Variants in DACH2 observed in about 807,000 individuals in gnomAD.
DACH2 encodes the protein dachshund family transcription factor 2, also known as dachshund homolog 2.
Under a neutral mutation model 35.8 loss-of-function variants are expected in DACH2, and 17 were observed. The observed-to-expected ratio is 0.48, with a 90% CI of 0.33 to 0.71. The LOEUF is 0.71. Among genes scored for constraint, DACH2 ranks in the 30% least tolerant of loss-of-function variants. DACH2 has a pLI of 0.02. For missense variants in DACH2, 469 were observed against 472.7 expected (o/e 0.99, Z 0.07); for synonymous variants, 195 against 177.3 (o/e 1.10, Z -0.79).
chrX:86,703,206 T>C (rs1162071053), intron 5 of DACH2, among the ~76,000 whole-genome samples: 3 of 109,876 alleles, frequency 2.7e-5, no homozygotes, highest in Non-Finnish European at 5.7e-5. Flanking sequence ...AAAAATTCAA[T>C]GAAATCAAGC....
At chrX:86,295,699 G>A (rs1237293613) in intron 1 of DACH2, among the ~76,000 whole-genome samples, 1 of 110,764 alleles carries the variant, frequency 9.0e-6, no homozygotes, top group Non-Finnish European at 1.9e-5. Context: ...GTTGTAAGAG[G>A]GCAACACTGA....
intron 4 of DACH2, among the ~76,000 whole-genome samples, chrX:86,672,807 G>A (rs1261643168): frequency 9.0e-6 from 1 of 111,718 alleles, no homozygotes; most frequent in Non-Finnish European, 1.9e-5. Context: ...AGTCACCACT[G>A]GGGCACTGCT....
intron 7 of DACH2, among the ~76,000 whole-genome samples, chrX:86,786,817 G>A (rs1164346986): frequency 8.9e-6 from 1 of 111,821 alleles, no homozygotes; most frequent in Admixed American, 9.5e-5. Flanking sequence ...ATATGGTTTG[G>A]CTGTGTCCCC....
chrX:86,455,443 A>G (rs2037458491), intron 2 of DACH2, among the ~76,000 whole-genome samples: 1 of 111,752 alleles, frequency 8.9e-6, no homozygotes, highest in Admixed American at 9.5e-5. Context: ...ACTCTGTCCC[A>G]GGGAGAGATC....
intron 1 of DACH2, among the ~76,000 whole-genome samples, chrX:86,350,091 C>T (rs1940411455): frequency 8.9e-6 from 1 of 111,953 alleles, no homozygotes; most frequent in Non-Finnish European, 1.9e-5. Context: ...TTGCTCCAAC[C>T]TGGGAGGCGG....
chrX:86,546,588 C>T (rs1310816957), intron 3 of DACH2, among the ~76,000 whole-genome samples: 1 of 100,634 alleles, frequency 9.9e-6, no homozygotes, highest in Non-Finnish European at 2.0e-5. Flanking sequence ...AATCTCGGCT[C>T]ACTGCAACCT....
chrX:86,487,867 A>G (rs995864836), intron 2 of DACH2, among the ~76,000 whole-genome samples: 3 of 111,896 alleles, frequency 2.7e-5, no homozygotes, highest in Non-Finnish European at 5.6e-5. Flanking sequence ...ACCACTTTTC[A>G]GTACAAATAA....
chrX:86,405,774 A>G (rs182970030), intron 2 of DACH2, among the ~76,000 whole-genome samples: 304 of 111,889 alleles, frequency 2.7e-3, no homozygotes, highest in African/African-American at 9.2e-3. Context: ...TCACACTGCT[A>G]TAAGTACATA....
intron 6 of DACH2, among the ~76,000 whole-genome samples, chrX:86,724,198 T>C (rs1232596445): frequency 1.8e-5 from 2 of 111,823 alleles, no homozygotes; most frequent in Non-Finnish European, 3.8e-5. Context: ...TTTTCCTTAT[T>C]CTCTATGTTT....
chrX:86,776,514 C>T (rs2042033501), intron 7 of DACH2, among the ~76,000 whole-genome samples: 1 of 111,988 alleles, frequency 8.9e-6, no homozygotes, highest in South Asian at 3.7e-4. Flanking sequence ...CTCTGGTTTT[C>T]CTTGAACAAG....
At chrX:86,435,975 G>T (rs937703100) in intron 2 of DACH2, among the ~76,000 whole-genome samples, 2 of 111,495 alleles carry the variant, frequency 1.8e-5, no homozygotes, top group African/African-American at 3.3e-5. Context: ...ATAATAATTT[G>T]TAGAAGAACT....
intron 1 of DACH2, among the ~76,000 whole-genome samples, chrX:86,217,470 A>T: frequency 8.9e-6 from 1 of 111,948 alleles, no homozygotes; most frequent in Non-Finnish European, 1.9e-5. Flanking sequence ...AAACTATAGA[A>T]AATGTCACTT....
chrX:86,160,259 G>A (rs1485093751), intron 1 of DACH2: 1 of 1,196,604 alleles, frequency 8.4e-7, no homozygotes, highest in Non-Finnish European at 1.1e-6. Flanking sequence ...TTTCTGGGCA[G>A]ACTTGGTGAC....
At chrX:86,653,003 G>T (rs2040494937) in intron 4 of DACH2, among the ~76,000 whole-genome samples, 1 of 111,834 alleles carries the variant, frequency 8.9e-6, no homozygotes, top group African/African-American at 3.3e-5. Context: ...TGAAATCTTT[G>T]CCAATTCCTG....
chrX:86,755,864 T>C (rs1224419305), intron 7 of DACH2, among the ~76,000 whole-genome samples: 5 of 110,884 alleles, frequency 4.5e-5, no homozygotes, highest in African/African-American at 1.6e-4. Context: ...CTCAAAGTGC[T>C]GGGATTACAG....
chrX:86,208,509 T>A (rs1370775686), intron 1 of DACH2, among the ~76,000 whole-genome samples: 1 of 111,833 alleles, frequency 8.9e-6, no homozygotes, highest in Non-Finnish European at 1.9e-5. Flanking sequence ...CTTTCCTTTT[T>A]CAAGATTCCC....
At chrX:86,396,798 A>G (rs1270745132) in intron 2 of DACH2, among the ~76,000 whole-genome samples, 1 of 110,786 alleles carries the variant, frequency 9.0e-6, no homozygotes, top group East Asian at 2.8e-4. Context: ...GTAGCCTTGT[A>G]GTATAGTTTG....
chrX:86,331,961 G>A (rs1009833477), intron 1 of DACH2, among the ~76,000 whole-genome samples: 1 of 111,695 alleles, frequency 9.0e-6, no homozygotes, highest in African/African-American at 3.3e-5. Context: ...ATAAGACTCA[G>A]TTTGAAAAGA....
chrX:86,692,436 C>T (rs756100525), intron 4 of DACH2, among the ~76,000 whole-genome samples: 2 of 110,276 alleles, frequency 1.8e-5, no homozygotes, highest in African/African-American at 3.3e-5. Context: ...AAAAGTGTAT[C>T]CAAAGTTCTC....
Sources: gnomAD v4.1 joint callset for allele counts (sites outside exome capture counted in the v4.1 genomes callset) on GRCh38, gnomAD v4.1.1 for gene constraint, MANE v1.5 for transcripts, NCBI Gene and HGNC (gene_info 2026-07-23, HGNC 2026-07-21) for gene names.